Variants in GLDC observed in about 807,000 individuals in gnomAD.
GLDC encodes the protein glycine dehydrogenase (decarboxylating), mitochondrial.
A neutral mutation model predicts 121.3 loss-of-function variants in GLDC; 104 were observed. The ratio of observed to expected loss-of-function variants is 0.86; its 90% CI spans 0.73 to 1.01. The LOEUF is 1.01. Ranked by LOEUF, GLDC falls within the 50% of genes least tolerant of loss-of-function variation. The pLI is 0.00. For synonymous variants in GLDC, 546 were observed against 480.6 expected (o/e 1.14, Z -1.78); for missense variants, 1,429 against 1,306.6 (o/e 1.09, Z -1.44).
At chr9:6,573,639 T>G (rs1818008101) in intron 15 of GLDC, among the ~76,000 whole-genome samples, 1 of 152,142 alleles carries the variant, frequency 6.6e-6, no homozygotes, top group African/African-American at 2.4e-5. Flanking sequence ...GGGTTTGGTG[T>G]TGGACATCTT....
At chr9:6,603,605 T>C (rs1818665012) in intron 7 of GLDC, among the ~76,000 whole-genome samples, 1 of 152,172 alleles carries the variant, frequency 6.6e-6, no homozygotes, top group Non-Finnish European at 1.5e-5. Flanking sequence ...CATTGACTAA[T>C]TCAGCTTACT....
intron 3 of GLDC, among the ~76,000 whole-genome samples, chr9:6,614,229 C>G (rs10117232): frequency 0.21 from 31,386 of 151,362 alleles, 3,562 homozygotes; most frequent in East Asian, 0.43. Flanking sequence ...GAAGCACTGG[C>G]TTTTGGTTTT....
intron 1 of GLDC, chr9:6,644,958 C>T (rs1469304835): frequency 4.9e-6 from 3 of 611,044 alleles, no homozygotes; most frequent in South Asian, 2.0e-5. Context: ...GGGTCTTCCT[C>T]CTCTTGCAAA....
chr9:6,556,074 C>T (rs1482533047), intron 18 of GLDC, 79 bp downstream of exon 18: 2 of 1,277,316 alleles, frequency 1.6e-6, no homozygotes, highest in African/African-American at 2.9e-5. Flanking sequence ...GGAAGCCTCT[C>T]AAGAAGTCAG....
At chr9:6,645,103 G>T in intron 1 of GLDC, 142 bp downstream of exon 1, 1 of 781,888 alleles carries the variant, frequency 1.3e-6, no homozygotes. Context: ...GCACGAATTT[G>T]CTTCCACGCC....
intron 2 of GLDC, among the ~76,000 whole-genome samples, chr9:6,631,020 G>A (rs1386167081): frequency 2.0e-5 from 3 of 152,156 alleles, no homozygotes; most frequent in Non-Finnish European, 2.9e-5. Flanking sequence ...CAATCCATAC[G>A]CTACGCTCTG....
Position 6,602,093 on chromosome 9 carries a change from C to T in GLDC, c.1155+16G>A, listed in dbSNP as rs1370343582. On this transcript the variant is annotated intron_variant, in intron 8 of 24. Coordinates refer to ENST00000321612, the MANE Select transcript of GLDC (RefSeq NM_000170.3). ...ATCGTAAGGCATTCAGTAGTCAGGT[C>T]AGACGTGTGATTTACCTGAGCTGTA... The T allele has an allele frequency of 1.4e-6, 2 of 1,455,472 alleles. No homozygotes were observed. Among genetic ancestry groups the T allele is most frequent in the South Asian group, 1.1e-5 (1 of 87,934 alleles). 90.2% of individuals were successfully genotyped at this position (1,455,472 alleles called of 1,614,324 possible).
chr9:6,569,558 G>A lies in GLDC; in HGVS notation c.1851-4129C>T, dbSNP rs187983767. Reference sequence around the variant, plus strand: ...TCCCAGGTACTCAGGGAGCTGAGGCGGGAGAATTGCTTGAACCCGGGAGGC... The same window carrying A: ...TCCCAGGTACTCAGGGAGCTGAGGCAGGAGAATTGCTTGAACCCGGGAGGC... On this transcript the variant is annotated intron_variant, in intron 15 of 24. Coordinates refer to ENST00000321612, the MANE Select transcript of GLDC (RefSeq NM_000170.3). Among the ~76,000 whole-genome samples the A allele has an allele frequency of 1.4e-3, 212 of 152,070 alleles. 1 individual carries two copies. Among genetic ancestry groups the A allele is most frequent in the African/African-American group, 4.4e-3 (182 of 41,464 alleles).
At chr9:6,581,816 T>C (rs1287821986) in intron 15 of GLDC, among the ~76,000 whole-genome samples, 5 of 152,200 alleles carry the variant, frequency 3.3e-5, no homozygotes, top group Non-Finnish European at 5.9e-5. Flanking sequence ...TTTATATTTA[T>C]TGTATATTTA....
chr9:6,639,426 C>G (rs541815494), intron 2 of GLDC: 10 of 912,660 alleles, frequency 1.1e-5, no homozygotes, highest in Admixed American at 1.0e-4. Flanking sequence ...CAACAACACA[C>G]TTGTGTTCAT....
intron 15 of GLDC, among the ~76,000 whole-genome samples, chr9:6,569,731 G>A (rs1397277627): frequency 3.3e-5 from 5 of 151,522 alleles, no homozygotes; most frequent in South Asian, 4.2e-4. Context: ...ATCACAGCAC[G>A]TTGGGAGGCC....
rs572523552 is a variant in GLDC, at chr9:6,534,751, T to G, written c.2876A>C (p.His959Pro). The change falls in exon 24 of 25, where the codon CAC becomes CCC. Residue 959 changes from histidine (H) to proline (P), a missense_variant. Coordinates refer to ENST00000321612, the MANE Select transcript of GLDC (RefSeq NM_000170.3). ...PHSLTCVTSS[H>P]WDRPYSREVA... ...CTCTCTGGAATAAGGCCGGTCCCAG[T>G]GGGAAGATGTAACGCAGGTCAGGGA... 4.4e-6 allele frequency: 7 copies of G among 1,607,994 alleles called. No homozygotes were observed. The South Asian group carries it at 7.7e-5, about 18-fold the overall frequency.
intron 2 of GLDC, among the ~76,000 whole-genome samples, chr9:6,631,304 C>T (rs1189133605): frequency 6.6e-6 from 1 of 152,214 alleles, no homozygotes; most frequent in African/African-American, 2.4e-5. Context: ...TCTGATGACT[C>T]CTTGGTCCCT....
intron 17 of GLDC, among the ~76,000 whole-genome samples, chr9:6,557,062 TACAG>T (rs1817648861): frequency 6.6e-6 from 1 of 152,182 alleles, no homozygotes; most frequent in Admixed American, 6.5e-5. Context: ...ATTCCCAAAT[TACAG>T]CTAGATAGGA....
rs113339548 is a variant in GLDC, at chr9:6,535,740, T to C, written c.2838+324A>G. 8.9e-3 allele frequency among the ~76,000 whole-genome samples: 1,363 copies of C among 152,332 alleles called. 23 individuals are homozygous for C. Among genetic ancestry groups the C allele is most frequent in the African/African-American group, 0.031 (1,295 of 41,568 alleles). On this transcript the variant is annotated intron_variant, in intron 23 of 24. Transcript: ENST00000321612. ...CTGCTCTAATATAAGAATGTGTGCT[T>C]GTACAGAGTTTGTGATGTGAATATG...
intron 2 of GLDC, among the ~76,000 whole-genome samples, chr9:6,621,726 T>C (rs539274640): frequency 1.8e-4 from 28 of 152,246 alleles, no homozygotes; most frequent in East Asian, 7.7e-4. Flanking sequence ...CCATATTGGC[T>C]AGGCTGGTCT....
At chr9:6,560,153 G>A (rs908594411) in intron 16 of GLDC, among the ~76,000 whole-genome samples, 2 of 152,190 alleles carry the variant, frequency 1.3e-5, no homozygotes, top group Non-Finnish European at 2.9e-5. Flanking sequence ...GGGAAAGTAA[G>A]TCAGAAGGTT....
chr9:6,568,548 G>C (rs1817893911), intron 15 of GLDC, among the ~76,000 whole-genome samples: 1 of 152,152 alleles, frequency 6.6e-6, no homozygotes, highest in Non-Finnish European at 1.5e-5. Context: ...AACTGTCCTA[G>C]AAAAACAAGG....
chr9:6,605,160 C>G lies in GLDC; in HGVS notation c.832G>C (p.Glu278Gln). Residue 278 changes from glutamate to glutamine, a missense_variant, in exon 6 of 25, where the codon GAA becomes CAA. Transcript: ENST00000321612. Reference protein sequence around the residue: ...DTEGKVEDFTELVERAHQSGS... With the variant: ...DTEGKVEDFTQLVERAHQSGS... The stretch of plus-strand genomic sequence containing the variant: ...CTCTGATGAGCTCTCTCCACGAGTT[C>G]CGTAAAGTCTTCCACCTTCCCCTCC... 1.2e-6 allele frequency: 2 copies of G among 1,613,136 alleles called. No homozygotes were observed. The highest frequency in any genetic ancestry group is 1.7e-6 in the Non-Finnish European group (2 of 1,179,956).
Sources: allele counts gnomAD v4.1 joint callset (sites outside exome capture counted in the v4.1 genomes callset), GRCh38; gene constraint gnomAD v4.1.1; transcripts MANE v1.5; gene names NCBI Gene and HGNC (gene_info 2026-07-23, HGNC 2026-07-21).